B3GALT1: variants seen among roughly 807,000 people sequenced by gnomAD.
B3GALT1 encodes UDP-Gal:betaGlcNAc beta 1,3-galactosyltransferase, polypeptide 1.
A neutral mutation model predicts 23.2 loss-of-function variants in B3GALT1; 10 were observed. The observed-to-expected ratio is 0.43, with a 90% confidence interval of 0.27 to 0.73. The LOEUF is 0.73. B3GALT1 is among the 30% of genes least tolerant of loss of function. B3GALT1 has a pLI of 0.21. For synonymous variants in B3GALT1, 156 were observed against 141.5 expected (o/e 1.10, Z -0.73); for missense variants, 299 against 405.4 (o/e 0.74, Z 2.25).
At chr2:167,347,239 C>A (rs981978462) in intron 1 of B3GALT1, among the ~76,000 whole-genome samples, 3 of 152,140 alleles carry the variant, frequency 2.0e-5, no homozygotes. Context: ...TTACCTCACT[C>A]TAATTAACTT....
chr2:167,303,977 C>T (rs954418568), intron 1 of B3GALT1, among the ~76,000 whole-genome samples: 2 of 152,108 alleles, frequency 1.3e-5, no homozygotes, highest in African/African-American at 2.4e-5. Flanking sequence ...ACAAAGAAGA[C>T]TCATCAGAAT....
intron 3 of B3GALT1, among the ~76,000 whole-genome samples, chr2:167,770,004 C>T (rs1166642871): frequency 6.6e-6 from 1 of 152,196 alleles, no homozygotes; most frequent in East Asian, 1.9e-4. Flanking sequence ...GGCATTCTCA[C>T]CAGCAATGTA....
chr2:167,318,455 G>A lies in B3GALT1; in HGVS notation c.-511+25121G>A, dbSNP rs575418582. Among the ~76,000 whole-genome samples, 5 of 151,748 alleles carry A rather than the reference G, an allele frequency of 3.3e-5. No homozygotes were observed. The South Asian group carries it at 1.0e-3, about 32-fold the overall frequency. On this transcript the variant is annotated intron_variant, in intron 1 of 4. Coordinates refer to ENST00000392690, the MANE Select transcript of B3GALT1 (RefSeq NM_020981.4). ...GATTTCTTCCTATTTTTATGAGTGT[G>A]TCCCATTATTACCTTCTCTGAAACT...
At chr2:167,716,277 C>G (rs1027580389) in intron 3 of B3GALT1, among the ~76,000 whole-genome samples, 2 of 152,338 alleles carry the variant, frequency 1.3e-5, no homozygotes, top group South Asian at 2.1e-4. Flanking sequence ...CCTCGGCCCC[C>G]CTGTTACACT....
Position 167,730,164 on chromosome 2 carries a change from C to T in B3GALT1, c.-352+83198C>T, listed in dbSNP as rs187497785. Among the ~76,000 whole-genome samples the T allele has an allele frequency of 2.8e-3, 420 of 152,298 alleles. 5 individuals carry two copies. Among genetic ancestry groups the T allele is most frequent in the African/African-American group, 9.6e-3 (401 of 41,566 alleles). On this transcript the variant is annotated intron_variant, in intron 3 of 4. Coordinates refer to ENST00000392690, the MANE Select transcript of B3GALT1 (RefSeq NM_020981.4). The stretch of plus-strand genomic sequence containing the variant: ...TCTATTTTCTGGCTTACTATATCCG[C>T]CGGGGCGCTCATCCACAATGTTGCT...
At chr2:167,659,317 T>C (rs190315613) in intron 3 of B3GALT1, among the ~76,000 whole-genome samples, 1 of 152,192 alleles carries the variant, frequency 6.6e-6, no homozygotes. Flanking sequence ...TTCTGTTATG[T>C]TCCTTTGGCT....
chr2:167,519,786 T>C (rs541533384), intron 2 of B3GALT1, among the ~76,000 whole-genome samples: 1 of 152,150 alleles, frequency 6.6e-6, no homozygotes, highest in Non-Finnish European at 1.5e-5. Context: ...AAGAAAAATA[T>C]ATTGGCCATG....
intron 2 of B3GALT1, among the ~76,000 whole-genome samples, chr2:167,608,669 A>T (rs1403258534): frequency 6.6e-6 from 1 of 152,192 alleles, no homozygotes; most frequent in Non-Finnish European, 1.5e-5. Context: ...GTACATATGG[A>T]CTTTTGTTTC....
At chr2:167,423,080 A>G (rs1433077372) in intron 1 of B3GALT1, among the ~76,000 whole-genome samples, 1 of 152,218 alleles carries the variant, frequency 6.6e-6, no homozygotes, top group Non-Finnish European at 1.5e-5. Flanking sequence ...ATCAGAATCC[A>G]CAGAGCACCA....
At chr2:167,336,138 G>T (rs775071763) in intron 1 of B3GALT1, among the ~76,000 whole-genome samples, 5 of 152,158 alleles carry the variant, frequency 3.3e-5, no homozygotes, top group Non-Finnish European at 7.3e-5. Flanking sequence ...CCTTAGTGGA[G>T]TTCAGTCTAC....
chr2:167,711,610 A>G (rs1262543374), intron 3 of B3GALT1, among the ~76,000 whole-genome samples: 1 of 152,226 alleles, frequency 6.6e-6, no homozygotes, highest in Non-Finnish European at 1.5e-5. Flanking sequence ...CCAAGTGGTA[A>G]GAACTTTCAT....
intron 2 of B3GALT1, among the ~76,000 whole-genome samples, chr2:167,634,491 G>C (rs905090731): frequency 1.3e-5 from 2 of 151,970 alleles, no homozygotes; most frequent in African/African-American, 4.8e-5. Context: ...GAATCAAATA[G>C]ACACAATAAA....
chr2:167,635,500 T>C (rs1033157014), intron 2 of B3GALT1, among the ~76,000 whole-genome samples: 8 of 152,076 alleles, frequency 5.3e-5, no homozygotes, highest in Non-Finnish European at 1.0e-4. Context: ...ACTTCAGCAG[T>C]CTCAGGATAC....
chr2:167,593,680 A>G (rs1684722823), intron 2 of B3GALT1, among the ~76,000 whole-genome samples: 1 of 152,234 alleles, frequency 6.6e-6, no homozygotes, highest in African/African-American at 2.4e-5. Flanking sequence ...CAGCCATTTG[A>G]AATGAAAATC....
intron 4 of B3GALT1, among the ~76,000 whole-genome samples, chr2:167,837,366 G>C (rs907694028): frequency 6.7e-6 from 1 of 149,158 alleles, no homozygotes; most frequent in African/African-American, 2.4e-5. Flanking sequence ...AAAAAAGGCA[G>C]GGGTTGCAAT....
At chr2:167,485,918 C>A (rs576561779) in intron 1 of B3GALT1, among the ~76,000 whole-genome samples, 2 of 152,268 alleles carry the variant, frequency 1.3e-5, no homozygotes, top group African/African-American at 4.8e-5. Flanking sequence ...TAGATACAAG[C>A]CCTGCAGACT....
intron 3 of B3GALT1, among the ~76,000 whole-genome samples, chr2:167,687,944 T>C (rs950062506): frequency 6.6e-6 from 1 of 152,182 alleles, no homozygotes; most frequent in Non-Finnish European, 1.5e-5. Context: ...GTCCAAATTT[T>C]ATATTCATTA....
intron 2 of B3GALT1, among the ~76,000 whole-genome samples, chr2:167,573,394 T>C (rs1283142204): frequency 3.3e-5 from 5 of 151,802 alleles, no homozygotes; most frequent in African/African-American, 7.2e-5. Context: ...GCAAATGTGA[T>C]TAATTGCCAC....
At chr2:167,690,474 CATT>C (rs1686693745) in intron 3 of B3GALT1, among the ~76,000 whole-genome samples, 1 of 151,892 alleles carries the variant, frequency 6.6e-6, no homozygotes, top group African/African-American at 2.4e-5. Context: ...ACATAATTGT[CATT>C]GTTGAGTTTT....
Sources: gnomAD v4.1 joint callset for allele counts (sites outside exome capture counted in the v4.1 genomes callset) on GRCh38, gnomAD v4.1.1 for gene constraint, MANE v1.5 for transcripts, NCBI Gene and HGNC (gene_info 2026-07-23, HGNC 2026-07-21) for gene names.